SLC2A9: variants seen among roughly 807,000 people sequenced by gnomAD.
The protein encoded by SLC2A9 is solute carrier family 2 member 9.
A neutral mutation model predicts 50.6 loss-of-function variants in SLC2A9; 39 were observed. The observed-to-expected ratio is 0.77, with a 90% confidence interval of 0.60 to 1.01. The LOEUF (loss-of-function observed/expected upper bound fraction) is 1.01, where lower values mean the gene tolerates loss of function less well. Ranked by LOEUF, SLC2A9 falls within the 50% of genes least tolerant of loss-of-function variation. The probability of loss-of-function intolerance (pLI) is 0.00; values close to 1 mark genes in which losing one functional copy is unlikely to be tolerated. For synonymous variants in SLC2A9, 324 were observed against 276.9 expected, an observed-to-expected ratio of 1.17 and a Z score of -1.69; for missense variants, 686 against 677.6, an observed-to-expected ratio of 1.01 and a Z score of -0.14.
At chr4:9,886,254 G>C (rs949856123) in intron 10 of SLC2A9, among the ~76,000 whole-genome samples, 1 of 152,236 alleles carries the variant, frequency 6.6e-6, no homozygotes, top group African/African-American at 2.4e-5. Context: ...CTGATGTGAA[G>C]ATGTGGATGT....
downstream of SLC2A9, among the ~76,000 whole-genome samples, chr4:9,825,292 C>A (rs1285332902): frequency 6.6e-6 from 1 of 152,100 alleles, no homozygotes; most frequent in East Asian, 1.9e-4. Flanking sequence ...TTAGAAGAGC[C>A]CCTCAACATA....
intron 5 of SLC2A9, among the ~76,000 whole-genome samples, chr4:9,974,858 T>C (rs1754528421): frequency 2.6e-5 from 4 of 152,214 alleles, no homozygotes; most frequent in South Asian, 4.1e-4. Context: ...CAAGCCATAC[T>C]GTAAACCTAC....
At chr4:9,779,205 C>T (rs1717983375), downstream of SLC2A9, among the ~76,000 whole-genome samples, 2 of 152,088 alleles carry the variant, frequency 1.3e-5, no homozygotes, top group Non-Finnish European at 2.9e-5. Context: ...ACTTCCCTTC[C>T]CTCTGTCTTC....
At chr4:9,959,632 A>G (rs1751927235) in intron 5 of SLC2A9, among the ~76,000 whole-genome samples, 1 of 152,224 alleles carries the variant, frequency 6.6e-6, no homozygotes, top group South Asian at 2.1e-4. Flanking sequence ...TAAGCCTTTT[A>G]GCAGTATTGA....
chr4:9,929,644 G>A (rs572755360), intron 6 of SLC2A9, among the ~76,000 whole-genome samples: 3 of 152,302 alleles, frequency 2.0e-5, no homozygotes, highest in African/African-American at 7.2e-5. Flanking sequence ...GCAGAGGGAG[G>A]GTGTGAGGGG....
At chr4:9,841,360 C>T (rs1374275306) in intron 10 of SLC2A9, among the ~76,000 whole-genome samples, 1 of 152,064 alleles carries the variant, frequency 6.6e-6, no homozygotes, top group Admixed American at 6.6e-5. Flanking sequence ...TGGGAAATCT[C>T]TCTCTTCCTT....
At chr4:9,821,958 G>A (rs1724463132), downstream of SLC2A9, among the ~76,000 whole-genome samples, 1 of 152,124 alleles carries the variant, frequency 6.6e-6, no homozygotes, top group Non-Finnish European at 1.5e-5. Flanking sequence ...AGTGACTTTT[G>A]ATAGTGTCTT....
downstream of SLC2A9, among the ~76,000 whole-genome samples, chr4:9,777,282 C>T (rs552445494): frequency 9.7e-5 from 14 of 143,750 alleles, no homozygotes; most frequent in Admixed American, 9.9e-4. Flanking sequence ...AGCTCCCTTG[C>T]CCCCGTCTCT....
chr4:9,978,452 T>A lies in SLC2A9; in HGVS notation c.681+2140A>T, dbSNP rs115446444. ...CTACTGAGGTAAATATTTATTTACTTTTTTTACTCCTAAAGGACAATAGCA... is the reference window on the plus strand; with the variant it reads ...CTACTGAGGTAAATATTTATTTACTATTTTTACTCCTAAAGGACAATAGCA... On this transcript the variant is annotated intron_variant, in intron 5 of 11. Transcript: ENST00000264784. 9.4e-3 allele frequency among the ~76,000 whole-genome samples: 1,438 copies of A among 152,334 alleles called. 27 individuals are homozygous for A. Among genetic ancestry groups the A allele is most frequent in the African/African-American group, 0.033 (1,387 of 41,568 alleles).
intron 5 of SLC2A9, among the ~76,000 whole-genome samples, chr4:9,953,898 C>T (rs1201121214): frequency 1.3e-5 from 2 of 152,240 alleles, no homozygotes; most frequent in African/African-American, 4.8e-5. Flanking sequence ...CAACCTCCAC[C>T]TCCTGGGCTC....
chr4:9,812,941 C>G (rs1723075995), intron 3 of SLC2A9, among the ~76,000 whole-genome samples: 1 of 152,184 alleles, frequency 6.6e-6, no homozygotes, highest in East Asian at 1.9e-4. Context: ...ACATTCACAT[C>G]TTAGTGTAAA....
chr4:9,859,003 T>A (rs1335425886), intron 10 of SLC2A9, among the ~76,000 whole-genome samples: 1 of 152,200 alleles, frequency 6.6e-6, no homozygotes, highest in East Asian at 1.9e-4. Flanking sequence ...GCTTTTGGAC[T>A]CTTGGACTTA....
intron 2 of SLC2A9, among the ~76,000 whole-genome samples, chr4:10,012,601 T>C (rs1761946085): frequency 6.6e-6 from 1 of 152,054 alleles, no homozygotes; most frequent in African/African-American, 2.4e-5. Flanking sequence ...AGGGGTGCCA[T>C]TTTGGATAGG....
At chr4:10,010,338 T>A (rs1245450653) in intron 2 of SLC2A9, among the ~76,000 whole-genome samples, 3 of 152,314 alleles carry the variant, frequency 2.0e-5, no homozygotes, top group East Asian at 3.9e-4. Flanking sequence ...CTGATTCGTA[T>A]CCTTTTTGCT....
At chr4:10,014,200 C>A (rs975616905) in intron 2 of SLC2A9, among the ~76,000 whole-genome samples, 2 of 152,080 alleles carry the variant, frequency 1.3e-5, no homozygotes, top group African/African-American at 2.4e-5. Flanking sequence ...CGTTTCTAAG[C>A]CCACTGCAAG....
intron 10 of SLC2A9, among the ~76,000 whole-genome samples, chr4:9,877,500 T>A (rs1022178746): frequency 7.9e-5 from 12 of 152,224 alleles, no homozygotes; most frequent in Non-Finnish European, 2.9e-5. Context: ...TTGAAAGGGA[T>A]CATGTATGAA....
intron 7 of SLC2A9, among the ~76,000 whole-genome samples, chr4:9,913,014 C>T (rs1401473270): frequency 6.6e-6 from 1 of 152,192 alleles, no homozygotes; most frequent in Non-Finnish European, 1.5e-5. Context: ...AAAGGGGCCA[C>T]AAGCCGAGAG....
chr4:9,793,066 G>T (rs947935471), intron 3 of SLC2A9, among the ~76,000 whole-genome samples: 1 of 152,102 alleles, frequency 6.6e-6, no homozygotes, highest in African/African-American at 2.4e-5. Context: ...TAGAGACGGG[G>T]TTTCTCCATG....
intron 10 of SLC2A9, among the ~76,000 whole-genome samples, chr4:9,862,953 T>G (rs1166482059): frequency 6.6e-6 from 1 of 152,076 alleles, no homozygotes; most frequent in African/African-American, 2.4e-5. Context: ...CCTATCAACC[T>G]TGCTTTTCCA....
Sources: gnomAD v4.1 joint callset for allele counts (sites outside exome capture counted in the v4.1 genomes callset) on GRCh38, gnomAD v4.1.1 for gene constraint, MANE v1.5 for transcripts, NCBI Gene and HGNC (gene_info 2026-07-23, HGNC 2026-07-21) for gene names.